MCHR2: variants seen among roughly 807,000 people sequenced by gnomAD.
The protein encoded by MCHR2 is melanin-concentrating hormone receptor 2.
In MCHR2, 15 loss-of-function variants were observed where a neutral mutation model predicts 24.8. The observed-to-expected ratio is 0.60, with a 90% CI of 0.40 to 0.93. The LOEUF (loss-of-function observed/expected upper bound fraction) is 0.93, where lower values mean the gene tolerates loss of function less well. MCHR2 is among the 40% of genes least tolerant of loss of function. MCHR2 has a pLI of 0.00. For missense variants in MCHR2, 386 were observed against 408.7 expected (o/e 0.94, Z 0.48); for synonymous variants, 151 against 147.6 (o/e 1.02, Z -0.17).
chr6:99,964,144 A>G (rs1775248907), intron 1 of MCHR2, among the ~76,000 whole-genome samples: 2 of 152,128 alleles, frequency 1.3e-5, no homozygotes, highest in African/African-American at 4.8e-5. Flanking sequence ...TGTTGGAGCC[A>G]CAGAAACTCC....
At chr6:99,958,779 A>T (rs1775119953) in intron 1 of MCHR2, among the ~76,000 whole-genome samples, 1 of 152,162 alleles carries the variant, frequency 6.6e-6, no homozygotes, top group Non-Finnish European at 1.5e-5. Context: ...GTGCCATATG[A>T]TCGGGGGAAA....
intron 1 of MCHR2, 42 bp from the exon 2 acceptor site, chr6:99,956,216 T>G: frequency 7.7e-7 from 1 of 1,306,904 alleles, no homozygotes; most frequent in Non-Finnish European, 1.0e-6. Context: ...GAACATTCCC[T>G]CAATATAACT....
At chr6:99,978,549 G>T (rs979925602) in intron 1 of MCHR2, among the ~76,000 whole-genome samples, 2 of 151,196 alleles carry the variant, frequency 1.3e-5, no homozygotes, top group Admixed American at 6.6e-5. Context: ...CTCCTGAGTA[G>T]CTGGGACTAC....
chr6:99,955,854 A>G (rs746939909), intron 2 of MCHR2, 112 bp downstream of exon 2: 54 of 873,060 alleles, frequency 6.2e-5, no homozygotes, highest in Non-Finnish European at 8.2e-5. Flanking sequence ...ATATTTCCAA[A>G]ATTGCATTTC....
intron 1 of MCHR2, among the ~76,000 whole-genome samples, chr6:99,970,587 T>C (rs1582401770): frequency 6.6e-6 from 1 of 152,218 alleles, no homozygotes; most frequent in Non-Finnish European, 1.5e-5. Context: ...TTGTCAATTT[T>C]GGCTTTTGTT....
chr6:99,992,431 A>G (rs1460314884), intron 1 of MCHR2, among the ~76,000 whole-genome samples: 1 of 152,214 alleles, frequency 6.6e-6, no homozygotes, highest in African/African-American at 2.4e-5. Context: ...CACTGGACTT[A>G]GCAGTATACA....
At chr6:99,953,336 G>A (rs184894383) in intron 2 of MCHR2, among the ~76,000 whole-genome samples, 5 of 152,250 alleles carry the variant, frequency 3.3e-5, no homozygotes, top group Admixed American at 6.5e-5. Flanking sequence ...GTGGTACCAA[G>A]GCTTTTGAGT....
intron 2 of MCHR2, among the ~76,000 whole-genome samples, chr6:99,955,681 C>G (rs547467464): frequency 6.6e-6 from 1 of 152,108 alleles, no homozygotes; most frequent in Non-Finnish European, 1.5e-5. Flanking sequence ...CCAGATGATT[C>G]TAATATGCAG....
intron 1 of MCHR2, among the ~76,000 whole-genome samples, chr6:99,958,698 A>G (rs1775117851): frequency 6.6e-6 from 1 of 152,172 alleles, no homozygotes; most frequent in South Asian, 2.1e-4. Flanking sequence ...TCCAAGGCAA[A>G]TGGGAAGCCA....
chr6:99,978,137 G>A (rs1005914736), intron 1 of MCHR2, among the ~76,000 whole-genome samples: 25 of 152,170 alleles, frequency 1.6e-4, no homozygotes, highest in African/African-American at 5.3e-4. Context: ...TCAGAGACAA[G>A]GTAGGTTTCC....
chr6:99,978,195 T>A (rs985483078), intron 1 of MCHR2, among the ~76,000 whole-genome samples: 2 of 152,178 alleles, frequency 1.3e-5, no homozygotes, highest in African/African-American at 4.8e-5. Flanking sequence ...CCCCACCTCT[T>A]ACTTACCTGA....
At chr6:99,959,381 A>C (rs1775134334) in intron 1 of MCHR2, among the ~76,000 whole-genome samples, 1 of 151,860 alleles carries the variant, frequency 6.6e-6, no homozygotes, top group African/African-American at 2.4e-5. Context: ...CTTGGTGAAG[A>C]TGTTTCCCTG....
At chr6:99,929,314 G>A (rs1483521689) in intron 5 of MCHR2, among the ~76,000 whole-genome samples, 7 of 151,438 alleles carry the variant, frequency 4.6e-5, no homozygotes, top group African/African-American at 7.3e-5. Flanking sequence ...TGTATATTCT[G>A]TTGATTTGGG....
intron 3 of MCHR2, among the ~76,000 whole-genome samples, chr6:99,947,095 T>G (rs1440161564): frequency 6.6e-6 from 1 of 152,100 alleles, no homozygotes; most frequent in African/African-American, 2.4e-5. Flanking sequence ...CAAATAACAT[T>G]AGCTTACATG....
chr6:99,987,476 A>G (rs1775790931), intron 1 of MCHR2, among the ~76,000 whole-genome samples: 1 of 152,188 alleles, frequency 6.6e-6, no homozygotes, highest in Non-Finnish European at 1.5e-5. Flanking sequence ...TAGTTCTACA[A>G]TTAAATACAT....
chr6:99,981,329 T>C (rs887059811), intron 1 of MCHR2, among the ~76,000 whole-genome samples: 1 of 152,122 alleles, frequency 6.6e-6, no homozygotes, highest in African/African-American at 2.4e-5. Flanking sequence ...CACTTCCCTG[T>C]GGGGTAAGCG....
chr6:99,921,998 T>C (rs1302953669), intron 5 of MCHR2, among the ~76,000 whole-genome samples: 4 of 143,220 alleles, frequency 2.8e-5, no homozygotes, highest in Non-Finnish European at 4.8e-5. Context: ...TGTGTACACA[T>C]ATCACATTAT....
chr6:99,938,974 TG>T (rs1351306446), intron 4 of MCHR2, among the ~76,000 whole-genome samples: 4 of 152,048 alleles, frequency 2.6e-5, no homozygotes, highest in African/African-American at 9.6e-5. Flanking sequence ...GTCATTGATT[TG>T]TAGTCTATTT....
At chr6:99,936,308 C>A (rs1414388377) in intron 4 of MCHR2, among the ~76,000 whole-genome samples, 1 of 151,800 alleles carries the variant, frequency 6.6e-6, no homozygotes, top group African/African-American at 2.4e-5. Flanking sequence ...CCTATGTTTT[C>A]TTCTTGTAGT....
Sources: gnomAD v4.1 joint callset for allele counts (sites outside exome capture counted in the v4.1 genomes callset) on GRCh38, gnomAD v4.1.1 for gene constraint, MANE v1.5 for transcripts, NCBI Gene and HGNC (gene_info 2026-07-23, HGNC 2026-07-21) for gene names.